Variants in PTPRB observed in about 807,000 individuals in gnomAD.
PTPRB encodes the protein protein tyrosine phosphatase receptor type B.
In PTPRB, 97 loss-of-function variants were observed where a neutral mutation model predicts 238.1. That is an observed-to-expected ratio of 0.41 (90% CI 0.35 to 0.48). PTPRB has a LOEUF of 0.48. Among genes scored for constraint, PTPRB ranks in the 20% least tolerant of loss-of-function variants. The pLI is 0.30. For missense variants in PTPRB, 2,292 were observed against 2,681.9 expected, an observed-to-expected ratio of 0.85 and a Z score of 3.21; for synonymous variants, 970 against 995.4, an observed-to-expected ratio of 0.97 and a Z score of 0.48.
chr12:70,592,674 A>G, intron 6 of PTPRB, 129 bp from the exon 7 acceptor site: 1 of 965,908 alleles, frequency 1.0e-6, no homozygotes, highest in South Asian at 1.7e-5. Context: ...GCACTTCAAG[A>G]GGCAAATATT....
At chr12:70,543,672 A>C (rs1199456161) in intron 22 of PTPRB, among the ~76,000 whole-genome samples, 1 of 152,190 alleles carries the variant, frequency 6.6e-6, no homozygotes, top group Non-Finnish European at 1.5e-5. Context: ...ATTGCAGAAC[A>C]CGGATTACAG....
In PTPRB at chr12:70,534,601, C is replaced by G. The variant is rs779459455; in HGVS notation, c.6255G>C (p.Val2085=). Residue 2085 remains valine, a synonymous_variant, in exon 31 of 34, where the codon GTG becomes GTC. Transcript: ENST00000334414. ...TTTCTGGGACTCCATGGTCTGGCCA[C>G]ACCGTATAGTGAAAGTGGCGGATGA... The part of the protein sequence containing the change: ...HRLIRHFHYT[V]WPDHGVPETT... 13 of 1,613,034 alleles carry G rather than the reference C, an allele frequency of 8.1e-6. No individual in the cohort carries two copies. In the African/African-American group the frequency reaches 1.7e-4, roughly 22 times the overall value.
chr12:70,613,705 T>C (rs889741740), intron 3 of PTPRB, among the ~76,000 whole-genome samples: 1 of 152,214 alleles, frequency 6.6e-6, no homozygotes, highest in Non-Finnish European at 1.5e-5. Flanking sequence ...AGGATTCTGT[T>C]AGAGCAGAAT....
Position 70,563,001 on chromosome 12 carries a change from C to G in PTPRB, c.4011G>C (p.Leu1337Phe), listed in dbSNP as rs775148128. 1.2e-6 allele frequency: 2 copies of G among 1,613,928 alleles called. No individual in the cohort carries two copies. Among genetic ancestry groups the G allele is most frequent in the Non-Finnish European group, 8.5e-7 (1 of 1,179,880 alleles). The change falls in exon 16 of 34, where the codon TTG becomes TTC. Residue 1337 changes from leucine (L) to phenylalanine (F), a missense_variant. By Grantham distance (22) the Leu-to-Phe change is conservative (BLOSUM62 0). Coordinates refer to ENST00000334414, the MANE Select transcript of PTPRB (RefSeq NM_001109754.4). Reference sequence around the variant, plus strand: ...CCTGGAGATTCCCATCTGGGTTGTACAAAAAGATGTTGTACCAGCTGAGCT... The same window carrying G: ...CCTGGAGATTCCCATCTGGGTTGTAGAAAAAGATGTTGTACCAGCTGAGCT... ...EGELSWYNIF[L>F]YNPDGNLQER...
chr12:70,564,847 AATAATAATAAT>A (rs1879043143), intron 15 of PTPRB, among the ~76,000 whole-genome samples: 101 of 3,712 alleles, frequency 0.027, no homozygotes, highest in African/African-American at 0.13. Context: ...AATAATAAAT[AATAATAATAAT>A]AATAATAATA....
In PTPRB at chr12:70,609,425, T is replaced by G. The variant is rs117812200; in HGVS notation, c.709-86A>C. Reference sequence around the variant, plus strand: ...CACAGCAAGCTCCTCAAGCCACACTTTCTCCTCTACTTATCCTTTGTCCCT... The same window carrying G: ...CACAGCAAGCTCCTCAAGCCACACTGTCTCCTCTACTTATCCTTTGTCCCT... On this transcript the variant is annotated intron_variant, in intron 3 of 33. Coordinates refer to ENST00000334414, the MANE Select transcript of PTPRB (RefSeq NM_001109754.4). 9.2e-3 allele frequency: 13,721 copies of G among 1,490,860 alleles called. 73 individuals are homozygous for G. Among genetic ancestry groups the G allele is most frequent in the Non-Finnish European group, 0.011 (11,896 of 1,102,738 alleles). The allele number at this position is 1,490,860 out of a possible 1,614,324, so 92.4% of individuals were successfully genotyped here. A position where few individuals can be genotyped will look rare whatever the true frequency, so the allele number is the denominator to read the frequency against.
rs1470248103 is a variant in PTPRB, at chr12:70,518,028, T to C, written c.*3461A>G. 1 of 152,190 alleles carries C rather than the reference T, an allele frequency of 6.6e-6. No homozygotes were observed. Among genetic ancestry groups the C allele is most frequent in the African/African-American group, 2.4e-5 (1 of 41,446 alleles). The allele number at this position is 152,190 out of a possible 1,614,324, so 9.4% of individuals were successfully genotyped here. On this transcript the variant is annotated 3_prime_UTR_variant, in exon 34 of 34. Transcript: ENST00000334414. The stretch of plus-strand genomic sequence containing the variant: ...ATCTGGTAAATGGTTTAATATTATT[T>C]TCACATGTCATTTTGGGCTTTCTTC...
Position 70,596,361 on chromosome 12 carries a change from A to AG in PTPRB, c.980-35_980-34insC, listed in dbSNP as rs1883027852. On this transcript the variant is annotated intron_variant, in intron 4 of 33. Coordinates refer to ENST00000334414, the MANE Select transcript of PTPRB (RefSeq NM_001109754.4). Reference sequence around the variant, plus strand: ...CAAATACACACACACACACAAAAAAAAAAAAGAAAGAAAAAGAAAAAAAAA... The same window carrying AG: ...CAAATACACACACACACACAAAAAAAGAAAAAGAAAGAAAAAGAAAAAAAAA... 10 of 1,345,126 alleles carry AG rather than the reference A, an allele frequency of 7.4e-6. No individual in the cohort carries two copies. In the East Asian group the frequency reaches 2.4e-4, roughly 33 times the overall value. The allele number at this position is 1,345,126 out of a possible 1,614,324, so 83.3% of individuals were successfully genotyped here.
At chr12:70,548,012 T>C (rs557273264) in intron 21 of PTPRB, among the ~76,000 whole-genome samples, 19 of 152,258 alleles carry the variant, frequency 1.2e-4, no homozygotes, top group African/African-American at 3.9e-4. Context: ...TATTTCCTCA[T>C]GGCTTAATTT....
chr12:70,590,505 T>G lies in PTPRB; in HGVS notation c.1781-272A>C, dbSNP rs1465932. On this transcript the variant is annotated intron_variant, in intron 7 of 33. Coordinates refer to ENST00000334414, the MANE Select transcript of PTPRB (RefSeq NM_001109754.4). ...ATCTAGTGATATGTGGCATCCTTTG[T>G]AAGAGATATTGGATGTCGTGATCAT... Among the ~76,000 whole-genome samples the G allele has an allele frequency of 0.11, 16,274 of 152,058 alleles. 1,001 individuals are homozygous for G. Among genetic ancestry groups the G allele is most frequent in the Non-Finnish European group, 0.13 (9,025 of 67,976 alleles).
At chr12:70,636,702 G>A (rs148587307) in intron 1 of PTPRB, among the ~76,000 whole-genome samples, 1 of 152,246 alleles carries the variant, frequency 6.6e-6, no homozygotes, top group African/African-American at 2.4e-5. Context: ...GTGGAGAGGA[G>A]CATTTCTCTA....
chr12:70,615,063 G>A (rs1884618772), intron 3 of PTPRB, among the ~76,000 whole-genome samples: 2 of 152,158 alleles, frequency 1.3e-5, no homozygotes, highest in African/African-American at 4.8e-5. Context: ...CATGTCATAT[G>A]TATAGTACAG....
At chr12:70,584,453 C>T (rs772806643) in intron 9 of PTPRB, among the ~76,000 whole-genome samples, 18 of 152,114 alleles carry the variant, frequency 1.2e-4, no homozygotes, top group Non-Finnish European at 2.2e-4. Flanking sequence ...AATATATCTA[C>T]ACCTTGATCA....
intron 18 of PTPRB, among the ~76,000 whole-genome samples, chr12:70,556,607 A>G (rs1474580578): frequency 6.6e-6 from 1 of 152,200 alleles, no homozygotes; most frequent in Non-Finnish European, 1.5e-5. Context: ...TGAAACAAGA[A>G]TGACTAAGAA....
chr12:70,527,527 A>C (rs1292552683), intron 32 of PTPRB: 3 of 128,486 alleles, frequency 2.3e-5, no homozygotes, highest in Non-Finnish European at 3.4e-5. Flanking sequence ...AAATGAGATG[A>C]TTGAGACTGT....
At chr12:70,595,871 G>A (rs947014036) in intron 5 of PTPRB, among the ~76,000 whole-genome samples, 178 bp downstream of exon 5, 10 of 152,194 alleles carry the variant, frequency 6.6e-5, no homozygotes, top group Middle Eastern at 6.8e-3. Flanking sequence ...GCATAGCCAC[G>A]CATCCTATTT....
In PTPRB at chr12:70,537,689, G is replaced by C. The variant is rs148920684; in HGVS notation, c.5946+466C>G. Among the ~76,000 whole-genome samples, 265 of 152,300 alleles carry C rather than the reference G, an allele frequency of 1.7e-3. 1 individual carries two copies. The highest frequency in any genetic ancestry group is 6.2e-3 in the African/African-American group (256 of 41,566). On this transcript the variant is annotated intron_variant, in intron 28 of 33. Coordinates refer to ENST00000334414, the MANE Select transcript of PTPRB (RefSeq NM_001109754.4). ...GGGGCAGAAGTGGGATTCAAACCTA[G>C]ATTTGTTTGACCCGAAAGCTTTTTC...
At position 70,534,691 on chromosome 12, in the gene PTPRB, A is replaced by G. The variant is rs1440952317; in HGVS notation, c.6205-40T>C. 3.1e-6 allele frequency: 5 copies of G among 1,605,422 alleles called. No individual in the cohort carries two copies. The African/African-American group carries it at 6.7e-5, about 21-fold the overall frequency. ...AGCAGGATAAAAGAGGAACTGTCCA[A>G]TGCAAACCTTCAAACTTGACAGCTG... On this transcript the variant is annotated intron_variant, in intron 30 of 33. Transcript: ENST00000334414.
At position 70,518,778 on chromosome 12, in the gene PTPRB, C is replaced by T. The variant is rs561389305; in HGVS notation, c.*2711G>A. 25 of 151,832 alleles carry T rather than the reference C, an allele frequency of 1.6e-4. No individual in the cohort carries two copies. The highest frequency in any genetic ancestry group is 4.6e-4 in the Admixed American group (7 of 15,244). 9.4% of individuals were successfully genotyped at this position (151,832 alleles called of 1,614,324 possible). The stretch of plus-strand genomic sequence containing the variant: ...ATGAGGTTAAAGGAGTTAATTATAA[C>T]GAACTTGGAAAAATAATTATTAAGA... On this transcript the variant is annotated 3_prime_UTR_variant, in exon 34 of 34. Transcript: ENST00000334414.
Sources: allele counts gnomAD v4.1 joint callset (sites outside exome capture counted in the v4.1 genomes callset), GRCh38; gene constraint gnomAD v4.1.1; transcripts MANE v1.5; gene names NCBI Gene and HGNC (gene_info 2026-07-23, HGNC 2026-07-21).